The following ARFGAP3 variants were observed in gnomAD, a reference collection of about 807,000 sequenced individuals.
ARFGAP3 encodes the protein ARF GTPase activating protein 3, also known as ADP-ribosylation factor GTPase-activating protein 3.
A neutral mutation model predicts 75.0 loss-of-function variants in ARFGAP3; 72 were observed. The observed-to-expected ratio is 0.96, with a 90% CI of 0.79 to 1.17. The LOEUF is 1.17. Ranked by LOEUF, ARFGAP3 falls within the 50% of genes most tolerant of loss-of-function variation. The probability of loss-of-function intolerance (pLI) is 0.00; values close to 1 mark genes in which losing one functional copy is unlikely to be tolerated. For missense variants in ARFGAP3, 620 were observed against 626.6 expected (o/e 0.99, Z 0.11); for synonymous variants, 221 against 217.9 (o/e 1.01, Z -0.13).
chr22:42,816,832 A>C (rs1602102049), intron 11 of ARFGAP3, among the ~76,000 whole-genome samples: 1 of 152,186 alleles, frequency 6.6e-6, no homozygotes, highest in Non-Finnish European at 1.5e-5. Context: ...GCTGGACTAA[A>C]CAACACATAC....
At chr22:42,829,392 A>G (rs1926186859) in intron 6 of ARFGAP3, among the ~76,000 whole-genome samples, 1 of 152,262 alleles carries the variant, frequency 6.6e-6, no homozygotes, top group African/African-American at 2.4e-5. Flanking sequence ...CACTCCAAGC[A>G]AAACAAAAAG....
rs764149622 is a variant in ARFGAP3, at chr22:42,823,656, G to A, written c.672C>T (p.Gly224=). ...TATATATAAAGTACATAATACTCAC[G>A]CCTTTTTTAGCTTGATTTGGTTTCT... The part of the protein sequence containing the change: ...IKKKPNQAKK[G]LGAKKGSLGA... Residue 224 remains glycine, a splice_region_variant and synonymous_variant, in exon 8 of 16, where the codon GGC becomes GGT. Transcript: ENST00000263245. 2.4e-5 allele frequency: 37 copies of A among 1,564,018 alleles called. No homozygotes were observed. The highest frequency in any genetic ancestry group is 4.6e-5 in the East Asian group (2 of 43,714).
chr22:42,798,094 A>G (rs1431330096), intron 15 of ARFGAP3, among the ~76,000 whole-genome samples: 1 of 152,242 alleles, frequency 6.6e-6, no homozygotes, highest in Non-Finnish European at 1.5e-5. Context: ...GGGGATGACC[A>G]TCTATAAAAT....
At chr22:42,841,370 C>T (rs1242664025) in intron 2 of ARFGAP3, among the ~76,000 whole-genome samples, 1 of 152,106 alleles carries the variant, frequency 6.6e-6, no homozygotes, top group Admixed American at 6.6e-5. Flanking sequence ...GTTTTCAGGT[C>T]GGTGATCTAC....
At chr22:42,821,905 T>C (rs1039807699) in intron 9 of ARFGAP3, among the ~76,000 whole-genome samples, 7 of 152,186 alleles carry the variant, frequency 4.6e-5, no homozygotes, top group Non-Finnish European at 2.9e-5. Flanking sequence ...CTGTTACTGA[T>C]TTTTTTATTA....
In ARFGAP3 at chr22:42,798,346, C is replaced by A. The variant is rs780528734; in HGVS notation, c.1533+693G>T. ...GGGGACCAGGAATCTCCTTTGGAGG[C>A]ACCAGAGTCCACACGGTTTCAGTCC... is the stretch of plus-strand genomic sequence containing the variant. On this transcript the variant is annotated intron_variant, in intron 15 of 15. Coordinates refer to ENST00000263245, the MANE Select transcript of ARFGAP3 (RefSeq NM_014570.5). Among the ~76,000 whole-genome samples, 12 of 152,332 alleles carry A rather than the reference C, an allele frequency of 7.9e-5. No individual in the cohort carries two copies. In the South Asian group the frequency reaches 1.0e-3, roughly 13 times the overall value.
rs1370630318 is a variant in ARFGAP3 at position 42,796,857 on chromosome 22, T to C, written c.*731A>G. 1 of 152,224 alleles carries C rather than the reference T, an allele frequency of 6.6e-6. No homozygotes were observed. Among genetic ancestry groups the C allele is most frequent in the African/African-American group, 2.4e-5 (1 of 41,450 alleles). The allele number at this position is 152,224 out of a possible 1,614,324, so 9.4% of individuals were successfully genotyped here. A position where few individuals can be genotyped will look rare whatever the true frequency, so the allele number is the denominator to read the frequency against. On this transcript the variant is annotated 3_prime_UTR_variant, in exon 16 of 16. Transcript: ENST00000263245. ...TTCCACTTTAACTCTGTATACCGTATTGATTTGTGATGAGATGATTTATTA... is the reference window on the plus strand; with the variant it reads ...TTCCACTTTAACTCTGTATACCGTACTGATTTGTGATGAGATGATTTATTA...
At chr22:42,819,102 C>G (rs1196576455) in intron 9 of ARFGAP3, among the ~76,000 whole-genome samples, 1 of 152,136 alleles carries the variant, frequency 6.6e-6, no homozygotes, top group Non-Finnish European at 1.5e-5. Context: ...CATGAGCCAC[C>G]GCGCCCGGTG....
intron 14 of ARFGAP3, among the ~76,000 whole-genome samples, chr22:42,804,713 A>C (rs1925042451): frequency 6.6e-6 from 1 of 151,950 alleles, no homozygotes; most frequent in Admixed American, 6.6e-5. Context: ...ATGGGGTTTC[A>C]CCATGTTAGC....
intron 12 of ARFGAP3, 117 bp downstream of exon 12, chr22:42,810,696 G>T: frequency 2.4e-6 from 2 of 850,530 alleles, no homozygotes; most frequent in Non-Finnish European, 3.8e-6. Flanking sequence ...TGGGATTATG[G>T]GAATGAGCCG....
In ARFGAP3 at chr22:42,834,242, C is replaced by T. The variant is rs763893872; in HGVS notation, c.477G>A (p.Glu159=). Residue 159 remains glutamate (E), a splice_region_variant and synonymous_variant, in exon 5 of 16, where the codon GAG becomes GAA. Coordinates refer to ENST00000263245, the MANE Select transcript of ARFGAP3 (RefSeq NM_014570.5). ...EDFFASHVSP[E]VSDTAWASAI... is the part of the protein sequence containing the mutation. The stretch of plus-strand genomic sequence containing the variant: ...AAATGATGTGAAGCATAATACATAC[C>T]TCAGGAGAAACGTGAGAGGCAAAAA... 1 of 1,613,582 alleles carries T rather than the reference C, an allele frequency of 6.2e-7. No homozygotes were observed. The highest frequency in any genetic ancestry group is 1.1e-5 in the South Asian group (1 of 91,024).
At chr22:42,819,430 G>C (rs1261506325) in intron 9 of ARFGAP3, among the ~76,000 whole-genome samples, 1 of 152,108 alleles carries the variant, frequency 6.6e-6, no homozygotes, top group Non-Finnish European at 1.5e-5. Context: ...ACATGGACTG[G>C]GTCACTCACT....
At chr22:42,856,907 AC>A (rs1927529423) in intron 1 of ARFGAP3, among the ~76,000 whole-genome samples, 1 of 148,656 alleles carries the variant, frequency 6.7e-6, no homozygotes, top group Non-Finnish European at 1.5e-5. Flanking sequence ...TCGCGTGAGG[AC>A]CCCCGCGCTG....
At chr22:42,842,068 G>A (rs1014891252) in intron 2 of ARFGAP3, among the ~76,000 whole-genome samples, 18 of 141,392 alleles carry the variant, frequency 1.3e-4, no homozygotes, top group Admixed American at 2.3e-4. Flanking sequence ...GCAATGGTGC[G>A]ATCTTGACTC....
intron 2 of ARFGAP3, among the ~76,000 whole-genome samples, chr22:42,841,796 GAAAGA>G (rs1338175852): frequency 4.6e-5 from 7 of 151,382 alleles, no homozygotes; most frequent in East Asian, 1.9e-4. Context: ...GGGCAAGGAA[GAAAGA>G]AAAGAAAAGA....
At chr22:42,802,543 T>C (rs1251054521) in intron 14 of ARFGAP3, among the ~76,000 whole-genome samples, 1 of 150,524 alleles carries the variant, frequency 6.6e-6, no homozygotes, top group Non-Finnish European at 1.5e-5. Flanking sequence ...TCCACCCGCC[T>C]CAGCCTCCCA....
intron 7 of ARFGAP3, among the ~76,000 whole-genome samples, chr22:42,824,098 C>T (rs1925933398): frequency 2.0e-5 from 3 of 151,130 alleles, no homozygotes; most frequent in Admixed American, 1.3e-4. Flanking sequence ...CATTACCTCC[C>T]AGATCAAGGG....
intron 9 of ARFGAP3, among the ~76,000 whole-genome samples, chr22:42,820,084 A>G (rs1925746052): frequency 6.6e-6 from 1 of 152,208 alleles, no homozygotes; most frequent in Non-Finnish European, 1.5e-5. Context: ...CACTCCATCC[A>G]GCTTACCTGC....
chr22:42,821,502 T>G (rs1925811439), intron 9 of ARFGAP3, among the ~76,000 whole-genome samples: 1 of 152,238 alleles, frequency 6.6e-6, no homozygotes, highest in Non-Finnish European at 1.5e-5. Flanking sequence ...ATGACTGGCT[T>G]CTTTCTTAGC....
Sources: gnomAD v4.1 joint callset for allele counts (sites outside exome capture counted in the v4.1 genomes callset) on GRCh38, gnomAD v4.1.1 for gene constraint, MANE v1.5 for transcripts, NCBI Gene and HGNC (gene_info 2026-07-23, HGNC 2026-07-21) for gene names.